PANX1: variants seen among roughly 807,000 people sequenced by gnomAD.
PANX1 encodes the protein pannexin-1.
PANX1 carries 30 observed loss-of-function variants against 38.7 expected under a neutral mutation model. The ratio of observed to expected loss-of-function variants is 0.78; its 90% CI spans 0.58 to 1.05. The LOEUF is 1.05. PANX1 is among the 50% of genes least tolerant of loss of function. The pLI is 0.00. For missense variants in PANX1, 551 were observed against 517.2 expected (o/e 1.07, Z -0.63); for synonymous variants, 230 against 212.2 (o/e 1.08, Z -0.73).
intron 2 of PANX1, among the ~76,000 whole-genome samples, chr11:94,169,278 G>T (rs928143420): frequency 1.3e-5 from 2 of 151,546 alleles, no homozygotes; most frequent in African/African-American, 4.9e-5. Flanking sequence ...ACACAGAGAG[G>T]TGGGGTGATG....
At chr11:94,157,398 G>A (rs1178691006) in intron 2 of PANX1, among the ~76,000 whole-genome samples, 1 of 152,114 alleles carries the variant, frequency 6.6e-6, no homozygotes, top group Non-Finnish European at 1.5e-5. Flanking sequence ...TCCCGCACCT[G>A]TTGTTTCCTG....
intron 2 of PANX1, among the ~76,000 whole-genome samples, chr11:94,162,640 G>A (rs187304135): frequency 4.7e-4 from 71 of 152,292 alleles, no homozygotes; most frequent in Non-Finnish European, 9.6e-4. Flanking sequence ...ACTAGGAAAG[G>A]GAATTTCCTG....
rs190818627 is a variant in PANX1 at position 94,162,576 on chromosome 11, A to T, written c.321+8946A>T. On this transcript the variant is annotated intron_variant, in intron 2 of 4. Transcript: ENST00000227638. ...GCTAATACCGTTGGATAAGCGCAGT[A>T]TTAGGGTGGGAGTGACCTGATTTTC... Among the ~76,000 whole-genome samples, 9 of 152,292 alleles carry T rather than the reference A, an allele frequency of 5.9e-5. No homozygotes were observed. The East Asian group carries it at 1.7e-3, about 29-fold the overall frequency.
chr11:94,177,304 G>T (rs1947245673), intron 2 of PANX1, among the ~76,000 whole-genome samples: 1 of 151,164 alleles, frequency 6.6e-6, no homozygotes, highest in Non-Finnish European at 1.5e-5. Context: ...AAAAGAAGCA[G>T]TTTTGTCCAA....
chr11:94,153,154 C>T (rs929735392), intron 1 of PANX1, among the ~76,000 whole-genome samples: 3 of 152,124 alleles, frequency 2.0e-5, no homozygotes, highest in Non-Finnish European at 4.4e-5. Flanking sequence ...TTTCTCAATC[C>T]TTACTCCAAA....
In PANX1 at chr11:94,178,419, G is replaced by C; in HGVS notation, c.372G>C (p.Pro124=). ...LLFAILLYLP[P]LFWRFAAAPH... Reference sequence around the variant, plus strand: ...TTGCGATCCTCCTGTACCTGCCCCCGCTGTTCTGGCGTTTCGCAGCTGCTC... The same window carrying C: ...TTGCGATCCTCCTGTACCTGCCCCCCCTGTTCTGGCGTTTCGCAGCTGCTC... The change falls in exon 3 of 5, where the codon CCG becomes CCC. Residue 124 remains proline, a synonymous_variant. Coordinates refer to ENST00000227638, the MANE Select transcript of PANX1 (RefSeq NM_015368.4). The C allele has an allele frequency of 6.2e-7, 1 of 1,613,974 alleles. No individual in the cohort carries two copies. The highest frequency in any genetic ancestry group is 8.5e-7 in the Non-Finnish European group (1 of 1,179,974).
Position 94,153,665 on chromosome 11 carries a change from C to T in PANX1, c.321+35C>T, listed in dbSNP as rs573017834. 2.5e-6 allele frequency: 4 copies of T among 1,599,142 alleles called. No individual in the cohort carries two copies. The South Asian group carries it at 3.3e-5, about 13-fold the overall frequency. ...GACATTTCCAAATAGAACCTGTTTG[C>T]TTTATAGATAAGGAAACTAAAGCCC... is the stretch of plus-strand genomic sequence containing the variant. On this transcript the variant is annotated intron_variant, in intron 2 of 4. Transcript: ENST00000227638.
intron 2 of PANX1, among the ~76,000 whole-genome samples, chr11:94,165,267 T>A (rs142337411): frequency 1.2e-3 from 180 of 151,950 alleles, no homozygotes; most frequent in African/African-American, 3.5e-3. Flanking sequence ...TTTCTCTGTC[T>A]TCCTTTGTGT....
chr11:94,150,541 C>T (rs752882895), intron 1 of PANX1, among the ~76,000 whole-genome samples: 8 of 152,116 alleles, frequency 5.3e-5, no homozygotes, highest in Non-Finnish European at 1.0e-4. Flanking sequence ...AGCTTCCTGG[C>T]CCCCGGCCCC....
intron 1 of PANX1, among the ~76,000 whole-genome samples, chr11:94,131,704 G>C (rs938143018): frequency 6.6e-6 from 1 of 152,208 alleles, no homozygotes; most frequent in Non-Finnish European, 1.5e-5. Context: ...AGACCTATTA[G>C]ATTAGGTATA....
intron 2 of PANX1, among the ~76,000 whole-genome samples, chr11:94,167,623 A>G (rs1196471097): frequency 6.6e-6 from 1 of 152,248 alleles, no homozygotes; most frequent in African/African-American, 2.4e-5. Context: ...ATCATTAATC[A>G]TATATTCAAA....
intron 2 of PANX1, among the ~76,000 whole-genome samples, chr11:94,166,063 C>T (rs933254181): frequency 6.6e-6 from 1 of 151,928 alleles, no homozygotes; most frequent in Non-Finnish European, 1.5e-5. Flanking sequence ...TAACTTCATC[C>T]CCCCCTCGCT....
At chr11:94,164,419 A>G (rs538225196) in intron 2 of PANX1, among the ~76,000 whole-genome samples, 1 of 152,272 alleles carries the variant, frequency 6.6e-6, no homozygotes, top group South Asian at 2.1e-4. Context: ...CATTTGTTTC[A>G]AGAAATTTTT....
At chr11:94,134,968 T>G (rs1946671422) in intron 1 of PANX1, among the ~76,000 whole-genome samples, 1 of 152,114 alleles carries the variant, frequency 6.6e-6, no homozygotes, top group South Asian at 2.1e-4. Context: ...ATGGGATTCA[T>G]GTTTAAGGGG....
At chr11:94,169,779 G>A (rs10160353) in intron 2 of PANX1, among the ~76,000 whole-genome samples, 21,086 of 151,524 alleles carry the variant, frequency 0.14, 1,705 homozygotes, top group African/African-American at 0.17. Context: ...ATGGAGACTC[G>A]GGAGGGAGCA....
rs751109382 is a variant in PANX1 at position 94,129,298 on chromosome 11, T to G, written c.-15T>G. ...TGTACCCGGACCTCCTGGTCGAGCC[T>G]GGCGCGCCGCAGCCATGGCCATCGC... On this transcript the variant is annotated 5_prime_UTR_variant, in exon 1 of 5. Transcript: ENST00000227638. 1.3e-6 allele frequency: 2 copies of G among 1,596,250 alleles called. No homozygotes were observed. The highest frequency in any genetic ancestry group is 2.7e-5 in the African/African-American group (2 of 74,532).
chr11:94,162,716 C>T (rs896873676), intron 2 of PANX1, among the ~76,000 whole-genome samples: 1 of 152,160 alleles, frequency 6.6e-6, no homozygotes, highest in Non-Finnish European at 1.5e-5. Context: ...GTGCGCGGCA[C>T]CCACTGTCCT....
At chr11:94,132,827 T>C (rs1350747932) in intron 1 of PANX1, among the ~76,000 whole-genome samples, 1 of 152,242 alleles carries the variant, frequency 6.6e-6, no homozygotes, top group Non-Finnish European at 1.5e-5. Flanking sequence ...TTTGTGGCGA[T>C]TTTTCCTTTA....
chr11:94,129,334 A>G lies in PANX1; in HGVS notation c.22A>G (p.Thr8Ala), dbSNP rs770987950. 5.6e-6 allele frequency: 9 copies of G among 1,612,214 alleles called. No homozygotes were observed. In the Admixed American group the frequency reaches 8.3e-5, roughly 15 times the overall value. MAIAQLA[T>A]EYVFSDFLLK... Reference sequence around the variant, plus strand: ...AGCCATGGCCATCGCTCAACTGGCCACGGAGTACGTGTTCTCGGATTTCTT... The same window carrying G: ...AGCCATGGCCATCGCTCAACTGGCCGCGGAGTACGTGTTCTCGGATTTCTT... The change falls in exon 1 of 5, where the codon ACG (threonine) becomes GCG (alanine). Residue 8 changes from threonine (T) to alanine (A), a missense_variant. Transcript: ENST00000227638.
Sources: gnomAD v4.1 joint callset for allele counts (sites outside exome capture counted in the v4.1 genomes callset) on GRCh38, gnomAD v4.1.1 for gene constraint, MANE v1.5 for transcripts, NCBI Gene and HGNC (gene_info 2026-07-23, HGNC 2026-07-21) for gene names.